The following TIAM1 variants were observed in gnomAD, a reference collection of about 807,000 sequenced individuals.
The protein encoded by TIAM1 is rho guanine nucleotide exchange factor TIAM1.
TIAM1 carries 65 observed loss-of-function variants against 163.5 expected under a neutral mutation model. That is an observed-to-expected ratio of 0.40 (90% CI 0.33 to 0.49). The LOEUF (loss-of-function observed/expected upper bound fraction) is 0.49. TIAM1 is among the 20% of genes least tolerant of loss of function. The pLI is 0.77. For synonymous variants in TIAM1, 833 were observed against 810.1 expected (o/e 1.03, Z -0.48); for missense variants, 1,789 against 2,044.7 (o/e 0.87, Z 2.41).
At chr21:31,182,770 G>T in intron 14 of TIAM1, 125 bp from the exon 15 acceptor site, 2 of 951,002 alleles carry the variant, frequency 2.1e-6, no homozygotes, top group Non-Finnish European at 1.5e-6. Flanking sequence ...CTGCAGACAG[G>T]CTGCGGTGCT....
intron 1 of TIAM1, among the ~76,000 whole-genome samples, chr21:31,548,243 A>C (rs1221954832): frequency 2.1e-5 from 3 of 146,272 alleles, no homozygotes; most frequent in Non-Finnish European, 4.4e-5. Flanking sequence ...GGGTTCAAGC[A>C]ATTCTCATGT....
At chr21:31,356,276 C>T (rs2076315665) in intron 2 of TIAM1, among the ~76,000 whole-genome samples, 1 of 152,192 alleles carries the variant, frequency 6.6e-6, no homozygotes, top group Admixed American at 6.5e-5. Flanking sequence ...GTTCAAGACA[C>T]TGCATGCCAA....
chr21:31,312,522 T>G (rs751101674), intron 2 of TIAM1, among the ~76,000 whole-genome samples: 5 of 152,162 alleles, frequency 3.3e-5, no homozygotes, highest in Non-Finnish European at 5.9e-5. Flanking sequence ...CAAAACACTT[T>G]CCCTAACCAA....
intron 12 of TIAM1, among the ~76,000 whole-genome samples, chr21:31,199,891 C>T (rs963101443): frequency 6.7e-6 from 1 of 150,242 alleles, no homozygotes; most frequent in African/African-American, 2.5e-5. Flanking sequence ...CACTCACTCA[C>T]CCTGTTCGAA....
At chr21:31,190,174 G>A (rs2085485874) in intron 13 of TIAM1, among the ~76,000 whole-genome samples, 1 of 152,188 alleles carries the variant, frequency 6.6e-6, no homozygotes, top group African/African-American at 2.4e-5. Context: ...GGAAGGCTGA[G>A]GCGGGAGGAA....
At chr21:31,438,654 T>C (rs1206365947) in intron 2 of TIAM1, among the ~76,000 whole-genome samples, 1 of 152,172 alleles carries the variant, frequency 6.6e-6, no homozygotes, top group Non-Finnish European at 1.5e-5. Flanking sequence ...CTCCCCCAAG[T>C]CCTCTTTTGT....
intron 2 of TIAM1, among the ~76,000 whole-genome samples, chr21:31,392,082 T>C (rs2076974231): frequency 6.6e-6 from 1 of 152,204 alleles, no homozygotes; most frequent in Admixed American, 6.5e-5. Context: ...ACATTTAAGG[T>C]AGGCTAGGCT....
intron 2 of TIAM1, among the ~76,000 whole-genome samples, chr21:31,280,349 C>T (rs1005084338): frequency 6.6e-6 from 1 of 152,194 alleles, no homozygotes; most frequent in Non-Finnish European, 1.5e-5. Flanking sequence ...AGGAGTTTCC[C>T]TGCACGAGCT....
At chr21:31,394,700 T>TCTCTCTTG (rs2077024934) in intron 2 of TIAM1, among the ~76,000 whole-genome samples, 3 of 92,474 alleles carry the variant, frequency 3.2e-5, no homozygotes, top group South Asian at 4.1e-4. Context: ...TCTCTCTCTC[T>TCTCTCTTG]CTCTCTCGCT....
At chr21:31,555,282 G>A (rs1001243176) in intron 1 of TIAM1, among the ~76,000 whole-genome samples, 3 of 151,000 alleles carry the variant, frequency 2.0e-5, no homozygotes, top group Non-Finnish European at 4.4e-5. Flanking sequence ...AAACAGAAAC[G>A]TTTACTAGAG....
intron 6 of TIAM1, among the ~76,000 whole-genome samples, chr21:31,236,160 C>T (rs1170594414): frequency 6.6e-6 from 1 of 152,232 alleles, no homozygotes; most frequent in Non-Finnish European, 1.5e-5. Context: ...TAGTGAGTCG[C>T]ACCCACCAGA....
intron 10 of TIAM1, among the ~76,000 whole-genome samples, chr21:31,210,801 A>AG: frequency 3.5e-5 from 5 of 143,062 alleles, no homozygotes; most frequent in African/African-American, 1.5e-4. Context: ...AAAGAAAGAA[A>AG]GAAAGAAAGA....
intron 2 of TIAM1, among the ~76,000 whole-genome samples, chr21:31,385,865 T>A (rs978659710): frequency 1.9e-4 from 28 of 147,184 alleles, no homozygotes; most frequent in African/African-American, 6.6e-4. Context: ...ATATTGATTA[T>A]ATATTAATTA....
At chr21:31,272,400 G>A (rs906713936) in intron 3 of TIAM1, among the ~76,000 whole-genome samples, 14 of 151,452 alleles carry the variant, frequency 9.2e-5, no homozygotes, top group African/African-American at 3.4e-4. Context: ...TAGTTAGGGT[G>A]GTTCATATAT....
At chr21:31,462,612 G>A (rs1490152556) in intron 2 of TIAM1, among the ~76,000 whole-genome samples, 1 of 152,122 alleles carries the variant, frequency 6.6e-6, no homozygotes, top group Non-Finnish European at 1.5e-5. Flanking sequence ...CAACTCTCAA[G>A]ACACGAGGGC....
chr21:31,433,382 C>A (rs1342936337), intron 2 of TIAM1, among the ~76,000 whole-genome samples: 3 of 152,168 alleles, frequency 2.0e-5, no homozygotes, highest in Non-Finnish European at 4.4e-5. Flanking sequence ...TTAGGTTGAG[C>A]AAACTGGGTA....
At chr21:31,142,478 A>C (rs2082891495) in intron 20 of TIAM1, among the ~76,000 whole-genome samples, 1 of 148,172 alleles carries the variant, frequency 6.7e-6, no homozygotes, top group African/African-American at 2.5e-5. Flanking sequence ...AAAAAAAAAA[A>C]AAAAAAAGCC....
intron 1 of TIAM1, among the ~76,000 whole-genome samples, chr21:31,501,416 TCACTTTTCTAGG>T (rs2046844134): frequency 1.3e-5 from 2 of 150,482 alleles, no homozygotes; most frequent in South Asian, 4.3e-4. Flanking sequence ...AAGCAGAAAA[TCACTTTTCTAGG>T]CATCTACACA....
intron 1 of TIAM1, among the ~76,000 whole-genome samples, chr21:31,474,396 G>T (rs1464888289): frequency 1.3e-5 from 2 of 152,114 alleles, no homozygotes; most frequent in Admixed American, 6.6e-5. Context: ...TGTGACCATG[G>T]TCCAGCCCCA....
Sources: gnomAD v4.1 joint callset for allele counts (sites outside exome capture counted in the v4.1 genomes callset) on GRCh38, gnomAD v4.1.1 for gene constraint, MANE v1.5 for transcripts, NCBI Gene and HGNC (gene_info 2026-07-23, HGNC 2026-07-21) for gene names.